Variants in SLC47A2 observed in about 807,000 individuals in gnomAD.
SLC47A2 encodes solute carrier family 47 member 2.
SLC47A2 carries 52 observed loss-of-function variants against 67.7 expected under a neutral mutation model. That is an observed-to-expected ratio of 0.77 (90% CI 0.61 to 0.97). The LOEUF is 0.97. SLC47A2 is among the 50% of genes least tolerant of loss of function. The pLI, the probability that SLC47A2 is intolerant of heterozygous loss-of-function variation, is 0.00. For missense variants in SLC47A2, 676 were observed against 712.3 expected, an observed-to-expected ratio of 0.95 and a Z score of 0.58; for synonymous variants, 278 against 292.9, an observed-to-expected ratio of 0.95 and a Z score of 0.52.
intron 10 of SLC47A2, chr17:19,704,526 G>T: frequency 2.9e-6 from 3 of 1,023,348 alleles, no homozygotes; most frequent in Non-Finnish European, 4.2e-6. Flanking sequence ...AAAGCTCCCT[G>T]TAAGAAAAAA....
intron 15 of SLC47A2, 24 bp downstream of exon 15, chr17:19,681,343 G>T: frequency 6.4e-7 from 1 of 1,565,768 alleles, no homozygotes; most frequent in Non-Finnish European, 8.7e-7. Context: ...GTGTCTTGTG[G>T]CCAGGGTCAG....
At chr17:19,705,244 C>T in intron 10 of SLC47A2, 192 bp downstream of exon 10, 3 of 500,390 alleles carry the variant, frequency 6.0e-6, no homozygotes, top group South Asian at 7.2e-5. Flanking sequence ...CACCCTTGGT[C>T]GTCAGGTTGT....
intron 13 of SLC47A2, among the ~76,000 whole-genome samples, chr17:19,682,329 TCACACACACACACACA>T (rs376421449): frequency 4.2e-5 from 6 of 143,784 alleles, no homozygotes; most frequent in African/African-American, 1.0e-4. Context: ...CGAGACTTGG[TCACACACACACACACA>T]CACACACACA....
chr17:19,705,484 A>G lies in SLC47A2; in HGVS notation c.861T>C (p.Asp287=), dbSNP rs2085907263. The part of the protein sequence containing the change: ...SFLMGLLSVV[D]LSAQAVIYEV... ...CGTAGATGACAGCCTGGGCAGAGAG[A>G]TCCACCACACTGAGCAGCCCTAGAG... The change falls in exon 10 of 17, where the codon GAT becomes GAC. Residue 287 remains aspartate, a synonymous_variant. Coordinates refer to ENST00000433844, the MANE Select transcript of SLC47A2 (RefSeq NM_001099646.3). The G allele has an allele frequency of 6.2e-7, 1 of 1,610,814 alleles. No individual in the cohort carries two copies. Among genetic ancestry groups the G allele is most frequent in the African/African-American group, 1.3e-5 (1 of 74,778 alleles).
In SLC47A2 at chr17:19,681,191, C is replaced by T. The variant is rs554779195; in HGVS notation, c.1392+176G>A. On this transcript the variant is annotated intron_variant, in intron 15 of 16. Transcript: ENST00000433844. ...TCGCGCCACTGCACTCCAGCCTGGG[C>T]GACAGAGTGAGACTCCATCTCACAA... 4.0e-5 allele frequency among the ~76,000 whole-genome samples: 6 copies of T among 151,822 alleles called. No individual in the cohort carries two copies. The South Asian group carries it at 8.3e-4, about 21-fold the overall frequency.
intron 13 of SLC47A2, among the ~76,000 whole-genome samples, chr17:19,684,680 G>C (rs2085382150): frequency 7.1e-6 from 1 of 140,902 alleles, no homozygotes; most frequent in African/African-American, 2.7e-5. Context: ...GGGCAATATA[G>C]CAAGACTCTT....
At chr17:19,700,466 C>A (rs2085757660) in intron 13 of SLC47A2, among the ~76,000 whole-genome samples, 1 of 152,182 alleles carries the variant, frequency 6.6e-6, no homozygotes, top group African/African-American at 2.4e-5. Flanking sequence ...TACTTAATTT[C>A]TTAAGAAATG....
At chr17:19,706,999 C>T (rs911520088) in intron 8 of SLC47A2, among the ~76,000 whole-genome samples, 1 of 152,156 alleles carries the variant, frequency 6.6e-6, no homozygotes, top group African/African-American at 2.4e-5. Context: ...CACGGTGTGG[C>T]CCCAGGGCTC....
intron 13 of SLC47A2, among the ~76,000 whole-genome samples, chr17:19,690,443 G>A (rs971570860): frequency 5.3e-5 from 8 of 152,070 alleles, no homozygotes; most frequent in African/African-American, 1.9e-4. Flanking sequence ...AAGTTAAAAA[G>A]CTTCTGTACA....
Position 19,678,689 on chromosome 17 carries a change from G to C in SLC47A2, c.1698C>G (p.His566Gln). The C allele has an allele frequency of 1.2e-6, 2 of 1,611,898 alleles. No homozygotes were observed. Among genetic ancestry groups the C allele is most frequent in the Non-Finnish European group, 1.7e-6 (2 of 1,179,456 alleles). ...TTTCTATTTCCAAGCTTCTTTGCTA[G>C]TGCCTGGTGGCTAGGATCCTGACCG... is the stretch of plus-strand genomic sequence containing the variant. ...GLTVRILATR[H>Q] Residue 566 changes from histidine to glutamine, a missense_variant, in exon 17 of 17, where the codon CAC (histidine) becomes CAG (glutamine). Physicochemically the swap from His to Gln is conservative, Grantham distance 24 (BLOSUM62 0). Coordinates refer to ENST00000433844, the MANE Select transcript of SLC47A2 (RefSeq NM_001099646.3).
chr17:19,702,656 C>T lies in SLC47A2; in HGVS notation c.1113G>A (p.Val371=), dbSNP rs1288871464. ...FTNDEDVIAL[V]SQVLPVYSVF... ...CACTATAAACCGGCAAGACCTGGCT[C>T]ACCAGGGCAATGACATCTCTGCAGA... The change falls in exon 13 of 17, where the codon GTG becomes GTA. Residue 371 remains valine, a synonymous_variant. Coordinates refer to ENST00000433844, the MANE Select transcript of SLC47A2 (RefSeq NM_001099646.3). 6.2e-7 allele frequency: 1 copy of T among 1,614,044 alleles called. No homozygotes were observed. Among genetic ancestry groups the T allele is most frequent in the Non-Finnish European group, 8.5e-7 (1 of 1,180,008 alleles).
rs142377792 is a variant in SLC47A2, at chr17:19,714,779, A to G, written c.236T>C (p.Val79Ala). ...SVTLAVAFVN[V>A]CGVSVGVGLS... is the part of the protein sequence containing the mutation. ...ACCAACTCCTACAGAAACTCCGCAGACATTGACAAACTGGCGCCACACACA... is the reference window on the plus strand; with the variant it reads ...ACCAACTCCTACAGAAACTCCGCAGGCATTGACAAACTGGCGCCACACACA... The change falls in exon 3 of 17, where the codon GTC becomes GCC. Residue 79 changes from valine to alanine, a missense_variant. Transcript: ENST00000433844. 1 of 1,614,112 alleles carries G rather than the reference A, an allele frequency of 6.2e-7. No homozygotes were observed. Among genetic ancestry groups the G allele is most frequent in the Non-Finnish European group, 8.5e-7 (1 of 1,180,044 alleles).
chr17:19,709,026 C>T (rs1341325948), intron 5 of SLC47A2, among the ~76,000 whole-genome samples: 2 of 152,218 alleles, frequency 1.3e-5, no homozygotes. Flanking sequence ...AGAGAGTACT[C>T]TTTGCACACA....
At chr17:19,689,788 T>C (rs560093310) in intron 13 of SLC47A2, among the ~76,000 whole-genome samples, 13 of 151,522 alleles carry the variant, frequency 8.6e-5, no homozygotes, top group Non-Finnish European at 1.6e-4. Flanking sequence ...ACACAAAAAA[T>C]GGATATTCTA....
intron 13 of SLC47A2, among the ~76,000 whole-genome samples, chr17:19,695,520 A>AC (rs1175604564): frequency 6.6e-6 from 1 of 150,708 alleles, no homozygotes; most frequent in African/African-American, 2.4e-5. Flanking sequence ...AACAGCAAAA[A>AC]AAAAAAAAAG....
chr17:19,715,018 C>T, intron 2 of SLC47A2, 98 bp downstream of exon 2: 1 of 1,382,320 alleles, frequency 7.2e-7, no homozygotes, highest in South Asian at 1.2e-5. Context: ...CTGTGTCTTC[C>T]CATCCCTGAC....
rs775127034 is a variant in SLC47A2, at chr17:19,707,809, C to G, written c.664G>C (p.Ala222Pro). 7.5e-6 allele frequency: 12 copies of G among 1,604,646 alleles called. No individual in the cohort carries two copies. ...TAGAGAAGGAGGAAGACGGTCTGTG[C>G]AAACTGGGAGATGATGTTGGCATAG... ...SAYANIISQF[A>P]QTVFLLLYIV... The change falls in exon 8 of 17, where the codon GCA (alanine) becomes CCA (proline). Residue 222 changes from alanine (A) to proline (P), a missense_variant. By Grantham distance (27) the Ala-to-Pro change is conservative. Transcript: ENST00000433844.
chr17:19,698,701 A>G lies in SLC47A2; in HGVS notation c.1164+3904T>C, dbSNP rs2085719561. On this transcript the variant is annotated intron_variant, in intron 13 of 16. Transcript: ENST00000433844. ...GGGTTGATTAAAAAAAATTCTTTTA[A>G]TTTTGATAAAATACACATAAAATGT... Among the ~76,000 whole-genome samples the G allele has an allele frequency of 4.6e-5, 7 of 152,188 alleles. No individual in the cohort carries two copies. The South Asian group carries it at 1.4e-3, about 31-fold the overall frequency.
At chr17:19,705,582 T>C (rs544225165) in intron 9 of SLC47A2, 79 bp from the exon 10 acceptor site, 24 of 1,414,582 alleles carry the variant, frequency 1.7e-5, no homozygotes, top group East Asian at 2.6e-5. Context: ...CTGCTTTGCT[T>C]TGGGGACTCA....
Sources: gnomAD v4.1 joint callset for allele counts (sites outside exome capture counted in the v4.1 genomes callset) on GRCh38, gnomAD v4.1.1 for gene constraint, MANE v1.5 for transcripts, NCBI Gene and HGNC (gene_info 2026-07-23, HGNC 2026-07-21) for gene names.